Variants in PRR16 observed in about 807,000 individuals in gnomAD.
PRR16 encodes protein Largen.
In PRR16, 6 loss-of-function variants were observed where a neutral mutation model predicts 18.2. The observed-to-expected ratio is 0.33, with a 90% CI of 0.18 to 0.65. The LOEUF (loss-of-function observed/expected upper bound fraction) is 0.65. PRR16 is among the 30% of genes least tolerant of loss of function. PRR16 has a pLI of 0.74. For missense variants in PRR16, 412 were observed against 376.6 expected (o/e 1.09, Z -0.78); for synonymous variants, 151 against 147.8 (o/e 1.02, Z -0.16).
intron 1 of PRR16, among the ~76,000 whole-genome samples, chr5:120,669,631 C>T (rs1430407108): frequency 6.6e-6 from 1 of 151,916 alleles, no homozygotes; most frequent in Non-Finnish European, 1.5e-5. Flanking sequence ...TTTATTCAAA[C>T]TTATAATTTT....
At chr5:120,641,755 T>C (rs1755429858) in intron 1 of PRR16, among the ~76,000 whole-genome samples, 1 of 152,134 alleles carries the variant, frequency 6.6e-6, no homozygotes, top group Non-Finnish European at 1.5e-5. Context: ...ATCATCCATA[T>C]GCAGCTTCAC....
At chr5:120,471,176 A>T (rs992051692) in intron 1 of PRR16, among the ~76,000 whole-genome samples, 1 of 152,162 alleles carries the variant, frequency 6.6e-6, no homozygotes, top group African/African-American at 2.4e-5. Context: ...ATTAATAGTG[A>T]ATAAATTAGA....
chr5:120,787,581 A>G, the PRR16 span, among the ~76,000 whole-genome samples: 1 of 152,142 alleles, frequency 6.6e-6, no homozygotes, highest in Non-Finnish European at 1.5e-5. Flanking sequence ...AGAAACGCCT[A>G]TAATAATGTT....
At chr5:120,661,200 TG>T (rs1756161816) in intron 1 of PRR16, among the ~76,000 whole-genome samples, 1 of 152,130 alleles carries the variant, frequency 6.6e-6, no homozygotes, top group Admixed American at 6.6e-5. Flanking sequence ...CTGTTATGTC[TG>T]TTGTCTTTAC....
intron 1 of PRR16, among the ~76,000 whole-genome samples, chr5:120,586,808 A>G (rs1344322926): frequency 1.3e-5 from 2 of 152,172 alleles, no homozygotes; most frequent in Non-Finnish European, 2.9e-5. Flanking sequence ...CTAAGCATTC[A>G]AGTGAAAGGA....
the PRR16 span, among the ~76,000 whole-genome samples, chr5:120,736,953 A>G: frequency 6.6e-6 from 1 of 152,260 alleles, no homozygotes; most frequent in African/African-American, 2.4e-5. Flanking sequence ...TAACTTTGCT[A>G]AAGTCTGTTA....
chr5:120,792,453 G>A, the PRR16 span, among the ~76,000 whole-genome samples: 1 of 151,978 alleles, frequency 6.6e-6, no homozygotes, highest in African/African-American at 2.4e-5. Context: ...TTTTAAACCT[G>A]CTATTCTCAC....
the PRR16 span, among the ~76,000 whole-genome samples, chr5:120,760,007 A>AT: frequency 6.6e-6 from 1 of 152,168 alleles, no homozygotes; most frequent in Non-Finnish European, 1.5e-5. Flanking sequence ...AATCTAAGTC[A>AT]TTTTGTATAG....
At chr5:120,478,119 C>A (rs1459689895) in intron 1 of PRR16, among the ~76,000 whole-genome samples, 1 of 152,096 alleles carries the variant, frequency 6.6e-6, no homozygotes, top group Non-Finnish European at 1.5e-5. Context: ...CAGTGGCTGG[C>A]ATGTAGTAGA....
chr5:120,754,609 ATATT>A, the PRR16 span, among the ~76,000 whole-genome samples: 2 of 70,516 alleles, frequency 2.8e-5, no homozygotes, highest in Non-Finnish European at 5.1e-5. Flanking sequence ...ATATCGTTAT[ATATT>A]ATTATATATT....
chr5:120,665,631 T>C lies in PRR16; in HGVS notation c.160-20323T>C, dbSNP rs1756345518. 6.6e-5 allele frequency among the ~76,000 whole-genome samples: 10 copies of C among 152,250 alleles called. No individual in the cohort carries two copies. The South Asian group carries it at 2.1e-3, about 32-fold the overall frequency. On this transcript the variant is annotated intron_variant, in intron 1 of 1. Coordinates refer to ENST00000407149, the MANE Select transcript of PRR16 (RefSeq NM_001300783.2). ...CTTTAATCCATCTCGAATTAATTTT[T>C]GTGTAAGGTGTAAGGAAGGGATCCA...
At chr5:120,724,515 C>T in the PRR16 span, among the ~76,000 whole-genome samples, 340 of 152,128 alleles carry the variant, frequency 2.2e-3, 1 homozygote, top group Middle Eastern at 6.8e-3. Context: ...TAAATATTAG[C>T]TACTGATTTT....
At chr5:120,664,991 C>A (rs1200920144) in intron 1 of PRR16, among the ~76,000 whole-genome samples, 2 of 151,736 alleles carry the variant, frequency 1.3e-5, no homozygotes, top group Non-Finnish European at 2.9e-5. Flanking sequence ...ATTGCTGGGT[C>A]AAATGGTATT....
the PRR16 span, among the ~76,000 whole-genome samples, chr5:120,713,228 CATAGAA>C: frequency 1.5e-4 from 23 of 152,214 alleles, no homozygotes; most frequent in African/African-American, 5.3e-4. Context: ...ATAAGCCAGA[CATAGAA>C]ATAAAAATAC....
the PRR16 span, chr5:120,781,421 A>C: frequency 1.3e-5 from 2 of 152,132 alleles, no homozygotes; most frequent in African/African-American, 4.8e-5. Context: ...ATGAGTGAAT[A>C]AAAAAATATG....
chr5:120,718,458 T>C, the PRR16 span, among the ~76,000 whole-genome samples: 1 of 152,132 alleles, frequency 6.6e-6, no homozygotes, highest in East Asian at 1.9e-4. Context: ...GCCCCTGTTA[T>C]AGATATCTCA....
At chr5:120,467,892 A>G (rs537062199) in intron 1 of PRR16, among the ~76,000 whole-genome samples, 1 of 152,266 alleles carries the variant, frequency 6.6e-6, no homozygotes, top group Non-Finnish European at 1.5e-5. Context: ...AATTCAGTAT[A>G]CTTATTGAGC....
At chr5:120,535,524 G>A (rs1359117070) in intron 1 of PRR16, among the ~76,000 whole-genome samples, 1 of 152,134 alleles carries the variant, frequency 6.6e-6, no homozygotes, top group African/African-American at 2.4e-5. Flanking sequence ...CACTTCCTGG[G>A]TGCAGTGGTT....
chr5:120,471,483 A>G (rs1749266566), intron 1 of PRR16, among the ~76,000 whole-genome samples: 1 of 152,104 alleles, frequency 6.6e-6, no homozygotes, highest in Non-Finnish European at 1.5e-5. Context: ...GCTTTCTGCT[A>G]TGACTGATGA....
Sources: allele counts gnomAD v4.1 joint callset (sites outside exome capture counted in the v4.1 genomes callset), GRCh38; gene constraint gnomAD v4.1.1; transcripts MANE v1.5; gene names NCBI Gene and HGNC (gene_info 2026-07-23, HGNC 2026-07-21).